The following HIVEP1 variants were observed in gnomAD, a reference collection of about 807,000 sequenced individuals.
HIVEP1 encodes zinc finger protein 40.
A neutral mutation model predicts 180.0 loss-of-function variants in HIVEP1; 36 were observed. The ratio of observed to expected loss-of-function variants is 0.20; its 90% CI spans 0.15 to 0.26. HIVEP1 has a LOEUF of 0.26. HIVEP1 is among the 10% of genes least tolerant of loss of function. The probability of loss-of-function intolerance (pLI) is 1.00; values close to 1 mark genes in which losing one functional copy is unlikely to be tolerated. For synonymous variants in HIVEP1, 1,239 were observed against 1,239.0 expected (o/e 1.00, Z 0.00); for missense variants, 3,143 against 3,268.7 (o/e 0.96, Z 0.94).
At chr6:12,138,379 T>G (rs899181550) in intron 7 of HIVEP1, among the ~76,000 whole-genome samples, 11 of 152,216 alleles carry the variant, frequency 7.2e-5, no homozygotes, top group Non-Finnish European at 1.5e-4. Flanking sequence ...AAACAAACTT[T>G]TACTCCATTA....
rs1771345761 is a variant in HIVEP1 at position 12,063,085 on chromosome 6, TA to T, written c.41-26097del. Among the ~76,000 whole-genome samples, 1 of 152,226 alleles carries T rather than the reference TA, an allele frequency of 6.6e-6. No individual in the cohort carries two copies. Among genetic ancestry groups the T allele is most frequent in the Admixed American group, 6.5e-5 (1 of 15,282 alleles). On this transcript the variant is annotated intron_variant, in intron 2 of 8. Coordinates refer to ENST00000379388, the MANE Select transcript of HIVEP1 (RefSeq NM_002114.4). This position sits in a 1 kb window ranked among gnomAD's most constrained non-coding sequence, Gnocchi z 4.2. ...TTCATGATTTAAAAATATAATATGCTAATCTAAATTATGTTTTACTCTTTTT... is the reference window on the plus strand; with the variant it reads ...TTCATGATTTAAAAATATAATATGCTATCTAAATTATGTTTTACTCTTTTT...
chr6:12,110,775 C>T (rs1489036456), intron 3 of HIVEP1, among the ~76,000 whole-genome samples: 1 of 152,196 alleles, frequency 6.6e-6, no homozygotes, highest in African/African-American at 2.4e-5. Context: ...ATAACTTTGC[C>T]TTTGCATTCA....
the HIVEP1 span, among the ~76,000 whole-genome samples, chr6:12,184,030 C>T: frequency 0.062 from 7,541 of 120,968 alleles, 663 homozygotes; most frequent in African/African-American, 0.27. Flanking sequence ...GATAGACAGA[C>T]AGACAGACAG....
At chr6:12,161,980 A>G in intron 8 of HIVEP1, 51 bp downstream of exon 8, 2 of 1,487,928 alleles carry the variant, frequency 1.3e-6, no homozygotes, top group South Asian at 1.3e-5. Context: ...TTAACCTATT[A>G]AATATGGAGA....
chr6:12,090,185 A>G (rs1036506331), intron 3 of HIVEP1, among the ~76,000 whole-genome samples: 2 of 152,126 alleles, frequency 1.3e-5, no homozygotes, highest in African/African-American at 4.8e-5. Context: ...TTAATGAGCA[A>G]AATTGATTAT....
chr6:12,135,801 A>G lies in HIVEP1; in HGVS notation c.6396A>G (p.Thr2132=), dbSNP rs1246188373. The change falls in exon 7 of 9, where the codon ACA becomes ACG. Residue 2132 remains threonine, a synonymous_variant. Coordinates refer to ENST00000379388, the MANE Select transcript of HIVEP1 (RefSeq NM_002114.4). ...TTCTTTTCCCTTAAGGAAATCTGACAAAACACATGAAGTCCAAGGCACATA... is the reference window on the plus strand; with the variant it reads ...TTCTTTTCCCTTAAGGAAATCTGACGAAACACATGAAGTCCAAGGCACATA... ...NFSFKTKGNL[T]KHMKSKAHSK... is the part of the protein sequence containing the mutation. 6.2e-7 allele frequency: 1 copy of G among 1,609,440 alleles called. No individual in the cohort carries two copies. The highest frequency in any genetic ancestry group is 2.2e-5 in the East Asian group (1 of 44,780).
In HIVEP1 at chr6:12,130,859, GCATGTTAAAGAAACA is replaced by G; in HGVS notation, c.6306_6320del (p.Met2102_His2106del). On this transcript the variant is annotated inframe_deletion, in exon 6 of 9. Coordinates refer to ENST00000379388, the MANE Select transcript of HIVEP1 (RefSeq NM_002114.4). Reference sequence around the variant, plus strand: ...TGTGGAATACGTTGTAAGAAACCTAGCATGTTAAAGAAACACATACGAACCCATACAGATGTCCGC... The same window carrying G: ...TGTGGAATACGTTGTAAGAAACCTAGCATACGAACCCATACAGATGTCCGC... 1 of 1,612,852 alleles carries G rather than the reference GCATGTTAAAGAAACA, an allele frequency of 6.2e-7. No homozygotes were observed. The highest frequency in any genetic ancestry group is 2.2e-5 in the East Asian group (1 of 44,858).
At chr6:12,031,008 C>T (rs1458540508) in intron 2 of HIVEP1, among the ~76,000 whole-genome samples, 1 of 151,844 alleles carries the variant, frequency 6.6e-6, no homozygotes, top group East Asian at 1.9e-4. Flanking sequence ...GATGGCTCTG[C>T]CCAGGTTTGC....
chr6:12,068,330 T>C lies in HIVEP1; in HGVS notation c.41-20854T>C, dbSNP rs146236011. The stretch of plus-strand genomic sequence containing the variant: ...GTCTCAAACTCCTGACCTCAGGTGA[T>C]CCGCCCACCTTGGCTTCCCAAAGTA... On this transcript the variant is annotated intron_variant, in intron 2 of 8. Transcript: ENST00000379388. 9.2e-3 allele frequency among the ~76,000 whole-genome samples: 1,401 copies of C among 152,202 alleles called. 19 individuals are homozygous for C. The highest frequency in any genetic ancestry group is 0.032 in the African/African-American group (1,327 of 41,512).
At chr6:12,099,093 T>C (rs1482513019) in intron 3 of HIVEP1, among the ~76,000 whole-genome samples, 1 of 151,426 alleles carries the variant, frequency 6.6e-6, no homozygotes, top group Non-Finnish European at 1.5e-5. Context: ...TGATCTGCGG[T>C]GGGAGGTGGA....
chr6:12,031,358 G>A (rs962099201), intron 2 of HIVEP1, among the ~76,000 whole-genome samples: 2 of 152,162 alleles, frequency 1.3e-5, no homozygotes, highest in Non-Finnish European at 1.5e-5. Context: ...GGTTAACCTG[G>A]GATACATGTG....
chr6:12,183,191 A>C, the HIVEP1 span, among the ~76,000 whole-genome samples: 5 of 152,230 alleles, frequency 3.3e-5, no homozygotes, highest in African/African-American at 1.2e-4. Flanking sequence ...GGAGTCTACC[A>C]ATCCTAGTTG....
At chr6:12,098,147 T>A (rs1773882841) in intron 3 of HIVEP1, among the ~76,000 whole-genome samples, 1 of 152,212 alleles carries the variant, frequency 6.6e-6, no homozygotes, top group Admixed American at 6.5e-5. Context: ...AGTGCTCTTA[T>A]AATTGATTAG....
chr6:12,049,206 G>T (rs1219769104), intron 2 of HIVEP1, among the ~76,000 whole-genome samples: 1 of 152,116 alleles, frequency 6.6e-6, no homozygotes, highest in Non-Finnish European at 1.5e-5. Context: ...AATCTTTTTG[G>T]TACACAGAGG....
intron 2 of HIVEP1, among the ~76,000 whole-genome samples, chr6:12,035,373 A>C (rs941440493): frequency 6.6e-6 from 1 of 152,222 alleles, no homozygotes; most frequent in Non-Finnish European, 1.5e-5. Flanking sequence ...TGAGGAAAAA[A>C]CTGCAAGCAT....
chr6:12,077,262 C>T lies in HIVEP1; in HGVS notation c.41-11922C>T, dbSNP rs148807952. Among the ~76,000 whole-genome samples, 404 of 152,290 alleles carry T rather than the reference C, an allele frequency of 2.7e-3. 1 individual carries two copies. Among genetic ancestry groups the T allele is most frequent in the African/African-American group, 9.2e-3 (381 of 41,562 alleles). ...TATCAGATTAGGTTTTCAGCATAGCCTGCAAAAGGTATTTAATTTGCGATG... is the reference window on the plus strand; with the variant it reads ...TATCAGATTAGGTTTTCAGCATAGCTTGCAAAAGGTATTTAATTTGCGATG... On this transcript the variant is annotated intron_variant, in intron 2 of 8. Transcript: ENST00000379388.
At chr6:12,089,043 T>C in intron 2 of HIVEP1, 141 bp from the exon 3 acceptor site, 2 of 517,368 alleles carry the variant, frequency 3.9e-6, no homozygotes, top group South Asian at 5.9e-5. Flanking sequence ...CCTTCAACAG[T>C]TTATACACAT....
chr6:12,130,228 G>A (rs1227790309), intron 5 of HIVEP1, among the ~76,000 whole-genome samples: 2 of 152,142 alleles, frequency 1.3e-5, no homozygotes, highest in African/African-American at 4.8e-5. Context: ...AGATATCTTT[G>A]TGTATTTTGT....
chr6:12,151,692 A>C (rs1759711168), intron 7 of HIVEP1, among the ~76,000 whole-genome samples: 4 of 152,178 alleles, frequency 2.6e-5, no homozygotes. Context: ...CAAGGGCTGG[A>C]TAGTAAATAT....
Sources: allele counts gnomAD v4.1 joint callset (sites outside exome capture counted in the v4.1 genomes callset), GRCh38; gene constraint gnomAD v4.1.1; non-coding constraint Gnocchi (gnomAD v3.1); transcripts MANE v1.5; gene names NCBI Gene and HGNC (gene_info 2026-07-23, HGNC 2026-07-21).